SIPA1L1: variants seen among roughly 807,000 people sequenced by gnomAD.
The protein encoded by SIPA1L1 is signal induced proliferation associated 1 like 1.
In SIPA1L1, 26 loss-of-function variants were observed where a neutral mutation model predicts 162.7. That is an observed-to-expected ratio of 0.16 (90% CI 0.12 to 0.22). The LOEUF (loss-of-function observed/expected upper bound fraction) is 0.22. Among genes scored for constraint, SIPA1L1 ranks in the 10% least tolerant of loss-of-function variants. SIPA1L1 has a pLI of 1.00. For missense variants in SIPA1L1, 1,874 were observed against 2,241.0 expected (o/e 0.84, Z 3.31); for synonymous variants, 829 against 837.4 (o/e 0.99, Z 0.17).
chr14:71,465,721 T>A (rs1367551523), intron 2 of SIPA1L1, among the ~76,000 whole-genome samples: 1 of 152,174 alleles, frequency 6.6e-6, no homozygotes, highest in Non-Finnish European at 1.5e-5. Context: ...ATTAGGGTTC[T>A]CTAGAGGGAC....
chr14:71,388,402 A>G (rs1421214105), intron 2 of SIPA1L1, among the ~76,000 whole-genome samples: 1 of 152,230 alleles, frequency 6.6e-6, no homozygotes, highest in African/African-American at 2.4e-5. Flanking sequence ...CATGAATATT[A>G]TTATCTACTG....
chr14:71,359,719 A>G (rs1186933676), intron 2 of SIPA1L1, among the ~76,000 whole-genome samples: 1 of 152,198 alleles, frequency 6.6e-6, no homozygotes, highest in Non-Finnish European at 1.5e-5. Flanking sequence ...AAAGAAAGTA[A>G]GTGCATGAGT....
At chr14:71,493,407 A>G (rs1302017292) in intron 2 of SIPA1L1, among the ~76,000 whole-genome samples, 2 of 152,158 alleles carry the variant, frequency 1.3e-5, no homozygotes, top group Non-Finnish European at 2.9e-5. Flanking sequence ...TAGTTGTTGA[A>G]GAACTACTTG....
chr14:71,527,904 AGACC>A (rs2053046213), intron 3 of SIPA1L1, among the ~76,000 whole-genome samples: 1 of 151,962 alleles, frequency 6.6e-6, no homozygotes, highest in East Asian at 1.9e-4. Context: ...TTTTGTTTTG[AGACC>A]GAGTCTCGCT....
intron 2 of SIPA1L1, among the ~76,000 whole-genome samples, chr14:71,390,784 C>A (rs1394841090): frequency 2.6e-5 from 4 of 151,828 alleles, no homozygotes; most frequent in Non-Finnish European, 5.9e-5. Context: ...GATCCCACCT[C>A]AAAAAAACAA....
At chr14:71,661,181 G>C in intron 9 of SIPA1L1, 129 bp from the exon 10 acceptor site, 1 of 870,042 alleles carries the variant, frequency 1.1e-6, no homozygotes, top group Admixed American at 2.6e-5. Context: ...GACAGTACCT[G>C]TGTAGATTAC....
chr14:71,534,897 T>G (rs10483836), intron 4 of SIPA1L1, among the ~76,000 whole-genome samples: 24,973 of 152,242 alleles, frequency 0.16, 2,653 homozygotes, highest in Middle Eastern at 0.35. Flanking sequence ...TAGTTGTATT[T>G]TGATGATCAC....
At chr14:71,573,808 G>A (rs6574016) in intron 4 of SIPA1L1, 351,281 of 429,810 alleles carry the variant, frequency 0.82, 144,841 homozygotes, top group African/African-American at 0.95. Context: ...TGGTATTCCA[G>A]TACTTTTTCC....
At chr14:71,548,317 G>A (rs976573596) in intron 4 of SIPA1L1, among the ~76,000 whole-genome samples, 8 of 152,070 alleles carry the variant, frequency 5.3e-5, no homozygotes, top group East Asian at 3.9e-4. Context: ...TGCTGTCAGC[G>A]TTTTATTTAC....
chr14:71,532,729 A>G (rs2053556434), intron 4 of SIPA1L1, among the ~76,000 whole-genome samples: 1 of 152,248 alleles, frequency 6.6e-6, no homozygotes, highest in Admixed American at 6.5e-5. Context: ...GGGTACGTAT[A>G]CACTGATGAA....
chr14:71,602,861 C>A (rs1234735341), intron 5 of SIPA1L1, among the ~76,000 whole-genome samples: 1 of 152,140 alleles, frequency 6.6e-6, no homozygotes, highest in African/African-American at 2.4e-5. Flanking sequence ...TAGGTTGTGC[C>A]CTCCTTATTA....
intron 2 of SIPA1L1, among the ~76,000 whole-genome samples, chr14:71,359,116 A>G (rs1050875826): frequency 1.8e-4 from 28 of 152,132 alleles, no homozygotes; most frequent in Non-Finnish European, 3.4e-4. Context: ...TATTCCCCAC[A>G]TATTGTGGGA....
At position 71,685,680 on chromosome 14, in the gene SIPA1L1, A is replaced by G. The variant is rs373791588; in HGVS notation, c.3374+49A>G. 111 of 1,601,748 alleles carry G rather than the reference A, an allele frequency of 6.9e-5. No homozygotes were observed. In the South Asian group the frequency reaches 8.6e-4, roughly 12 times the overall value. On this transcript the variant is annotated intron_variant, in intron 13 of 23. Transcript: ENST00000381232. The stretch of plus-strand genomic sequence containing the variant: ...CTCTATCTCTCTCTGCCCCAAATGT[A>G]AGTAACACAGACCCATAAGCACTAG...
intron 16 of SIPA1L1, among the ~76,000 whole-genome samples, chr14:71,705,762 GAGAC>G (rs1349132602): frequency 1.3e-5 from 2 of 151,998 alleles, no homozygotes; most frequent in Non-Finnish European, 2.9e-5. Flanking sequence ...GGAGGTGTAG[GAGAC>G]AGACAGCTTC....
At chr14:71,582,541 A>G (rs1308950580) in intron 4 of SIPA1L1, among the ~76,000 whole-genome samples, 1 of 152,122 alleles carries the variant, frequency 6.6e-6, no homozygotes, top group African/African-American at 2.4e-5. Context: ...TGGGAGGGAA[A>G]TGTGATTTTC....
chr14:71,541,760 G>T (rs1052805473), intron 4 of SIPA1L1, among the ~76,000 whole-genome samples: 20 of 152,126 alleles, frequency 1.3e-4, no homozygotes, highest in African/African-American at 4.6e-4. Context: ...GTGACAGAGT[G>T]AAACTCTGTC....
chr14:71,610,327 T>C (rs547518352), intron 5 of SIPA1L1, among the ~76,000 whole-genome samples: 56 of 152,378 alleles, frequency 3.7e-4, no homozygotes, highest in African/African-American at 1.3e-3. Context: ...TATCTAATTA[T>C]TTCCATAAGG....
chr14:71,507,644 TCTTACTGTTA>T (rs2050783720), intron 2 of SIPA1L1, among the ~76,000 whole-genome samples: 2 of 152,250 alleles, frequency 1.3e-5, no homozygotes, highest in South Asian at 4.1e-4. Context: ...ACTTCCTTTC[TCTTACTGTTA>T]CTTACTTACC....
intron 12 of SIPA1L1, among the ~76,000 whole-genome samples, chr14:71,681,737 C>A (rs1277345068): frequency 6.6e-6 from 1 of 152,100 alleles, no homozygotes; most frequent in African/African-American, 2.4e-5. Flanking sequence ...CTCGTGAGTC[C>A]AGTGTTGTGA....
Sources: gnomAD v4.1 joint callset for allele counts (sites outside exome capture counted in the v4.1 genomes callset) on GRCh38, gnomAD v4.1.1 for gene constraint, MANE v1.5 for transcripts, NCBI Gene and HGNC (gene_info 2026-07-23, HGNC 2026-07-21) for gene names.